The following NAALADL2 variants were observed in gnomAD, a reference collection of about 807,000 sequenced individuals.
NAALADL2 encodes the protein inactive N-acetylated-alpha-linked acidic dipeptidase-like protein 2.
NAALADL2 carries 76 observed loss-of-function variants against 87.2 expected under a neutral mutation model. The observed-to-expected ratio is 0.87, with a 90% CI of 0.72 to 1.05. The LOEUF is 1.05. Ranked by LOEUF, NAALADL2 falls within the 50% of genes least tolerant of loss-of-function variation. The probability of loss-of-function intolerance (pLI) is 0.00; values close to 1 mark genes in which losing one functional copy is unlikely to be tolerated. For synonymous variants in NAALADL2, 354 were observed against 331.0 expected, an observed-to-expected ratio of 1.07 and a Z score of -0.75; for missense variants, 1,089 against 945.8, an observed-to-expected ratio of 1.15 and a Z score of -1.99.
At chr3:175,068,781 A>G (rs1715015023) in intron 1 of NAALADL2, among the ~76,000 whole-genome samples, 1 of 152,152 alleles carries the variant, frequency 6.6e-6, no homozygotes, top group Non-Finnish European at 1.5e-5. Context: ...TTAACTCAAT[A>G]AATAACCATC....
intron 4 of NAALADL2, among the ~76,000 whole-genome samples, chr3:175,268,866 C>G (rs1215364328): frequency 2.0e-5 from 3 of 152,020 alleles, no homozygotes; most frequent in Non-Finnish European, 2.9e-5. Context: ...GCTGTCATCT[C>G]CTATGATAAC....
intron 11 of NAALADL2, among the ~76,000 whole-genome samples, chr3:175,684,605 A>C (rs2149893186): frequency 6.6e-6 from 1 of 152,188 alleles, no homozygotes; most frequent in South Asian, 2.1e-4. Flanking sequence ...ACCAGCCTGG[A>C]CAACATAGTG....
chr3:175,680,393 G>A lies in NAALADL2; in HGVS notation c.1896+53007G>A, dbSNP rs557164736. On this transcript the variant is annotated intron_variant, in intron 11 of 13. Transcript: ENST00000454872. Reference sequence around the variant, plus strand: ...GTATCAAAAATGTTATTTCCTTGAAGAATCAAGGTCTAATATCAGTGATAG... The same window carrying A: ...GTATCAAAAATGTTATTTCCTTGAAAAATCAAGGTCTAATATCAGTGATAG... Among the ~76,000 whole-genome samples, 11 of 152,236 alleles carry A rather than the reference G, an allele frequency of 7.2e-5. No individual in the cohort carries two copies. The South Asian group carries it at 2.3e-3, about 32-fold the overall frequency.
chr3:175,457,079 T>C (rs1380624322), intron 6 of NAALADL2, among the ~76,000 whole-genome samples: 1 of 152,028 alleles, frequency 6.6e-6, no homozygotes, highest in Non-Finnish European at 1.5e-5. Context: ...GATATTACCA[T>C]GTACCAGGGA....
chr3:175,369,453 TTACA>T (rs1464453260), intron 5 of NAALADL2: 1 of 150,388 alleles, frequency 6.6e-6, no homozygotes, highest in Non-Finnish European at 1.5e-5. Context: ...CATGTTACAT[TTACA>T]TACACCTGAT....
rs561230639 is a variant in NAALADL2 at position 175,553,855 on chromosome 3, G to A, written c.1654-22186G>A. On this transcript the variant is annotated intron_variant, in intron 9 of 13. Transcript: ENST00000454872. ...TTAATTTGAGAAATATTTATAAAGCGTCTTCTATCTACCAGCCATATTATT... is the reference window on the plus strand; with the variant it reads ...TTAATTTGAGAAATATTTATAAAGCATCTTCTATCTACCAGCCATATTATT... Among the ~76,000 whole-genome samples, 298 of 151,840 alleles carry A rather than the reference G, an allele frequency of 2.0e-3. 3 individuals are homozygous for A. The highest frequency in any genetic ancestry group is 5.0e-3 in the African/African-American group (209 of 41,408).
At position 175,039,743 on chromosome 3, in the gene NAALADL2, T is replaced by G. The variant is rs114076994; in HGVS notation, c.44-57047T>G. ...GTAGGAAATTCTATCTGTGAAGGGT[T>G]TACTGAGTACCAAGAGTTTAGTATA... On this transcript the variant is annotated intron_variant, in intron 1 of 13. Coordinates refer to ENST00000454872, the MANE Select transcript of NAALADL2 (RefSeq NM_207015.3). Among the ~76,000 whole-genome samples, 1,039 of 152,302 alleles carry G rather than the reference T, an allele frequency of 6.8e-3. 14 individuals carry two copies. The highest frequency in any genetic ancestry group is 0.022 in the African/African-American group (895 of 41,568).
chr3:175,401,564 A>T (rs944800310), intron 5 of NAALADL2, among the ~76,000 whole-genome samples: 4 of 152,128 alleles, frequency 2.6e-5, no homozygotes, highest in Admixed American at 6.6e-5. Context: ...AACACACACC[A>T]GGGCTATAGG....
intron 11 of NAALADL2, among the ~76,000 whole-genome samples, chr3:175,652,916 A>C (rs111631212): frequency 6.6e-6 from 1 of 152,158 alleles, no homozygotes; most frequent in African/African-American, 2.4e-5. Context: ...CCAAAAACTT[A>C]ACTACTAATA....
At chr3:174,827,089 G>A (rs761644917) in intron 3 of NAALADL2, among the ~76,000 whole-genome samples, 14 of 151,856 alleles carry the variant, frequency 9.2e-5, no homozygotes, top group African/African-American at 1.7e-4. Flanking sequence ...TCTTCTCTTC[G>A]TTGGATGAAA....
At chr3:175,427,921 A>G (rs1218989986) in intron 5 of NAALADL2, among the ~76,000 whole-genome samples, 6 of 152,170 alleles carry the variant, frequency 3.9e-5, no homozygotes, top group Non-Finnish European at 2.9e-5. Flanking sequence ...ACGTTGACAT[A>G]TAATGCCTGT....
At chr3:174,811,823 A>G (rs895192184) in intron 3 of NAALADL2, among the ~76,000 whole-genome samples, 4 of 152,244 alleles carry the variant, frequency 2.6e-5, no homozygotes, top group South Asian at 2.1e-4. Flanking sequence ...ATAATCTCCA[A>G]TGTTGGAGGT....
chr3:175,122,108 G>T (rs545990971), intron 2 of NAALADL2, among the ~76,000 whole-genome samples: 6 of 151,942 alleles, frequency 3.9e-5, no homozygotes, highest in Admixed American at 3.3e-4. Context: ...AACATACCTT[G>T]TGAATCCCAC....
chr3:175,192,292 A>T (rs1738326214), intron 2 of NAALADL2, among the ~76,000 whole-genome samples: 2 of 152,064 alleles, frequency 1.3e-5, no homozygotes, highest in South Asian at 4.1e-4. Flanking sequence ...ACAAAACTCC[A>T]CCTTTACCAT....
chr3:175,378,648 A>G (rs998501268), intron 5 of NAALADL2, among the ~76,000 whole-genome samples: 2 of 152,212 alleles, frequency 1.3e-5, no homozygotes, highest in Admixed American at 6.5e-5. Flanking sequence ...ACCAGCAGTC[A>G]TAGCCTTTTC....
At position 175,805,198 on chromosome 3, in the gene NAALADL2, T is replaced by C. The variant is rs906748422; in HGVS notation, c.*1995T>C. 6 of 151,960 alleles carry C rather than the reference T, an allele frequency of 3.9e-5. No individual in the cohort carries two copies. Among genetic ancestry groups the C allele is most frequent in the African/African-American group, 1.4e-4 (6 of 41,420 alleles). 9.4% of individuals were successfully genotyped at this position (151,960 alleles called of 1,614,324 possible). The stretch of plus-strand genomic sequence containing the variant: ...TAAAACAAATAAAGGCAAGCTATTA[T>C]CAGTTTGGTAGTTCATTATTTTAGA... On this transcript the variant is annotated 3_prime_UTR_variant, in exon 14 of 14. Coordinates refer to ENST00000454872, the MANE Select transcript of NAALADL2 (RefSeq NM_207015.3).
chr3:175,357,240 G>A (rs1199048152), intron 5 of NAALADL2, among the ~76,000 whole-genome samples: 1 of 152,058 alleles, frequency 6.6e-6, no homozygotes, highest in Non-Finnish European at 1.5e-5. Context: ...TAAGGAATAG[G>A]TCACAAAGAT....
chr3:175,584,482 T>C (rs1720261368), intron 10 of NAALADL2, among the ~76,000 whole-genome samples: 1 of 152,248 alleles, frequency 6.6e-6, no homozygotes. Context: ...TTCTCTACTT[T>C]TATGCTGTTT....
intron 3 of NAALADL2, among the ~76,000 whole-genome samples, chr3:174,783,890 G>A (rs538031078): frequency 4.6e-5 from 7 of 152,196 alleles, no homozygotes; most frequent in South Asian, 4.1e-4. Context: ...TGATACTGAT[G>A]TACAGGTAGA....
Sources: gnomAD v4.1 joint callset for allele counts (sites outside exome capture counted in the v4.1 genomes callset) on GRCh38, gnomAD v4.1.1 for gene constraint, MANE v1.5 for transcripts, NCBI Gene and HGNC (gene_info 2026-07-23, HGNC 2026-07-21) for gene names.